Variants in RNGTT observed in about 807,000 individuals in gnomAD.
RNGTT encodes the protein mRNA-capping enzyme.
RNGTT carries 33 observed loss-of-function variants against 79.3 expected under a neutral mutation model. The ratio of observed to expected loss-of-function variants is 0.42; its 90% confidence interval spans 0.32 to 0.56. RNGTT has a LOEUF of 0.56. RNGTT is among the 20% of genes least tolerant of loss of function. The probability of loss-of-function intolerance (pLI) is 0.17; values close to 1 mark genes in which losing one functional copy is unlikely to be tolerated. For synonymous variants in RNGTT, 222 were observed against 235.9 expected (o/e 0.94, Z 0.54); for missense variants, 497 against 739.1 (o/e 0.67, Z 3.80).
At chr6:88,613,508 T>A (rs1772109506) in intron 15 of RNGTT, among the ~76,000 whole-genome samples, 1 of 152,246 alleles carries the variant, frequency 6.6e-6, no homozygotes, top group South Asian at 2.1e-4. Context: ...CTCCTAAATG[T>A]ACAACAGTAA....
intron 14 of RNGTT, among the ~76,000 whole-genome samples, chr6:88,670,532 C>T (rs1482009017): frequency 2.0e-5 from 3 of 152,108 alleles, no homozygotes; most frequent in African/African-American, 7.2e-5. Flanking sequence ...CCCATTGTCT[C>T]CTGTTTCATG....
intron 1 of RNGTT, among the ~76,000 whole-genome samples, chr6:88,958,176 C>T (rs115579698): frequency 0.023 from 3,452 of 152,096 alleles, 131 homozygotes; most frequent in African/African-American, 0.079. Flanking sequence ...ACAAGCTACG[C>T]GTAGAAGAAT....
intron 10 of RNGTT, among the ~76,000 whole-genome samples, chr6:88,846,879 A>C (rs1472241773): frequency 6.6e-6 from 1 of 152,154 alleles, no homozygotes; most frequent in Non-Finnish European, 1.5e-5. Context: ...CAGTGACTCA[A>C]CTATACCCAG....
intron 11 of RNGTT, among the ~76,000 whole-genome samples, chr6:88,826,369 G>A (rs551901633): frequency 9.9e-5 from 15 of 152,244 alleles, no homozygotes; most frequent in African/African-American, 3.1e-4. Context: ...TTAAACCTAC[G>A]AGTTTAACGG....
At chr6:88,780,568 T>C (rs1413106979) in intron 12 of RNGTT, among the ~76,000 whole-genome samples, 2 of 152,142 alleles carry the variant, frequency 1.3e-5, no homozygotes, top group Non-Finnish European at 2.9e-5. Flanking sequence ...ATCAGAGCTA[T>C]AGTTAACTGA....
chr6:88,834,632 A>G (rs1265559248), intron 11 of RNGTT, among the ~76,000 whole-genome samples: 2 of 152,196 alleles, frequency 1.3e-5, no homozygotes, highest in Non-Finnish European at 2.9e-5. Context: ...CACAGTTGCC[A>G]TAACAAACTC....
chr6:88,927,654 C>T (rs1264201299), intron 4 of RNGTT, among the ~76,000 whole-genome samples: 1 of 121,732 alleles, frequency 8.2e-6, no homozygotes, highest in Non-Finnish European at 1.7e-5. Flanking sequence ...AAGAGCAAAA[C>T]TCCATCTCAA....
intron 13 of RNGTT, among the ~76,000 whole-genome samples, chr6:88,683,096 A>G (rs1775151822): frequency 6.6e-6 from 1 of 152,160 alleles, no homozygotes; most frequent in South Asian, 2.1e-4. Flanking sequence ...AATGACAGTA[A>G]CTGAAACCCA....
intron 13 of RNGTT, among the ~76,000 whole-genome samples, chr6:88,700,008 G>A (rs1177276039): frequency 6.6e-6 from 1 of 152,058 alleles, no homozygotes; most frequent in Non-Finnish European, 1.5e-5. Flanking sequence ...ATAGTGGCAG[G>A]AAATTAATAA....
chr6:88,860,615 T>A (rs1457014900), intron 8 of RNGTT, among the ~76,000 whole-genome samples: 1 of 152,118 alleles, frequency 6.6e-6, no homozygotes, highest in African/African-American at 2.4e-5. Context: ...TTCCTATCCA[T>A]TTTCCAAAAG....
chr6:88,928,186 C>T (rs1042343978), intron 4 of RNGTT, among the ~76,000 whole-genome samples: 4 of 151,824 alleles, frequency 2.6e-5, no homozygotes, highest in East Asian at 1.9e-4. Context: ...CACTCCGGCC[C>T]GGGCGATACA....
In RNGTT at chr6:88,963,457, C is replaced by T; in HGVS notation, c.-48G>A. ...CCCTCCCTCACCAACGTTCACCGCG[C>T]CTTTGGAGCCGCCTCCCCGTGGTCC... On this transcript the variant is annotated 5_prime_UTR_variant, in exon 1 of 16. Coordinates refer to ENST00000369485, the MANE Select transcript of RNGTT (RefSeq NM_003800.5). 6.7e-7 allele frequency: 1 copy of T among 1,498,186 alleles called. No individual in the cohort carries two copies. The highest frequency in any genetic ancestry group is 1.3e-5 in the South Asian group (1 of 78,270). The allele number at this position is 1,498,186 out of a possible 1,614,324, so 92.8% of individuals were successfully genotyped here.
intron 4 of RNGTT, 98 bp downstream of exon 4, chr6:88,928,887 C>T (rs1784399561): frequency 3.7e-6 from 3 of 807,164 alleles, no homozygotes; most frequent in South Asian, 1.7e-5. Flanking sequence ...TTATTTAAAA[C>T]AGAAAAAACT....
intron 8 of RNGTT, among the ~76,000 whole-genome samples, chr6:88,881,572 G>C (rs543885215): frequency 4.1e-4 from 63 of 152,216 alleles, no homozygotes; most frequent in South Asian, 1.2e-3. Context: ...ACAAGTTAAT[G>C]AACAATTTTT....
chr6:88,747,524 G>T (rs1777701207), intron 13 of RNGTT, among the ~76,000 whole-genome samples: 6 of 152,162 alleles, frequency 3.9e-5, no homozygotes, highest in Admixed American at 3.3e-4. Flanking sequence ...ATAGTTGGAG[G>T]ATCAGAAAAA....
Position 88,714,120 on chromosome 6 carries a change from G to A in RNGTT, c.1440-35701C>T, listed in dbSNP as rs565141631. 4.6e-5 allele frequency: 7 copies of A among 152,210 alleles called. No individual in the cohort carries two copies. In the East Asian group the frequency reaches 5.8e-4, roughly 13 times the overall value. 9.4% of individuals were successfully genotyped at this position (152,210 alleles called of 1,614,324 possible). A position where few individuals can be genotyped will look rare whatever the true frequency, so the allele number is the denominator to read the frequency against. ...AATGGAAATAACTGTCTTACCTCCC[G>A]AAGATACACTACTTAGATTAATTAA... On this transcript the variant is annotated intron_variant, in intron 13 of 15. Transcript: ENST00000369485.
chr6:88,835,648 AC>A (rs1390163441), intron 11 of RNGTT, among the ~76,000 whole-genome samples: 2 of 152,200 alleles, frequency 1.3e-5, no homozygotes, highest in African/African-American at 4.8e-5. Flanking sequence ...AGCTTCTCAG[AC>A]TAAGCAAGTA....
intron 13 of RNGTT, among the ~76,000 whole-genome samples, chr6:88,717,854 T>C (rs902574638): frequency 3.3e-5 from 5 of 152,100 alleles, no homozygotes; most frequent in Non-Finnish European, 7.3e-5. Flanking sequence ...TGAAGCTAGA[T>C]GTCCATCCTC....
intron 13 of RNGTT, among the ~76,000 whole-genome samples, chr6:88,729,071 C>T (rs924971970): frequency 6.6e-6 from 1 of 152,298 alleles, no homozygotes; most frequent in Middle Eastern, 3.4e-3. Flanking sequence ...ATGCCAAGCT[C>T]GCTCTCTGCT....
Sources: allele counts gnomAD v4.1 joint callset (sites outside exome capture counted in the v4.1 genomes callset), GRCh38; gene constraint gnomAD v4.1.1; transcripts MANE v1.5; gene names NCBI Gene and HGNC (gene_info 2026-07-23, HGNC 2026-07-21).